AEBP2: variants seen among roughly 807,000 people sequenced by gnomAD.
The protein encoded by AEBP2 is zinc finger protein AEBP2.
In AEBP2, 10 loss-of-function variants were observed where a neutral mutation model predicts 50.8. The ratio of observed to expected loss-of-function variants is 0.20; its 90% CI spans 0.12 to 0.33. AEBP2 has a LOEUF of 0.33. Among genes scored for constraint, AEBP2 ranks in the 10% least tolerant of loss-of-function variants. The pLI is 1.00. For missense variants in AEBP2, 570 were observed against 688.0 expected, an observed-to-expected ratio of 0.83 and a Z score of 1.92; for synonymous variants, 296 against 261.3, an observed-to-expected ratio of 1.13 and a Z score of -1.28.
At chr12:19,466,265 G>A (rs1399484109) in intron 2 of AEBP2, among the ~76,000 whole-genome samples, 2 of 152,072 alleles carry the variant, frequency 1.3e-5, no homozygotes, top group Non-Finnish European at 2.9e-5. Context: ...GGAGTTTTGA[G>A]TCCAGCCTGG....
At chr12:19,495,917 T>C (rs890481667) in intron 4 of AEBP2, among the ~76,000 whole-genome samples, 4 of 152,178 alleles carry the variant, frequency 2.6e-5, no homozygotes, top group Non-Finnish European at 4.4e-5. Flanking sequence ...CATTTTCATT[T>C]TGACATCCTT....
chr12:19,454,782 G>A (rs1419627191), intron 1 of AEBP2, among the ~76,000 whole-genome samples: 1 of 152,044 alleles, frequency 6.6e-6, no homozygotes, highest in Non-Finnish European at 1.5e-5. Context: ...GGGTGGAGGG[G>A]GGAGAACGAC....
At chr12:19,470,101 C>T (rs1378306706) in intron 2 of AEBP2, among the ~76,000 whole-genome samples, 3 of 151,908 alleles carry the variant, frequency 2.0e-5, no homozygotes, top group Non-Finnish European at 2.9e-5. Flanking sequence ...CGTCCTAATA[C>T]AGGCTAAGAA....
Position 19,439,722 on chromosome 12 carries a change from T to A in AEBP2, c.23T>A (p.Met8Lys), listed in dbSNP as rs1455641183. 4 of 1,513,080 alleles carry A rather than the reference T, an allele frequency of 2.6e-6. No homozygotes were observed. Among genetic ancestry groups the A allele is most frequent in the South Asian group, 2.4e-5 (2 of 83,144 alleles). 93.7% of individuals were successfully genotyped at this position (1,513,080 alleles called of 1,614,324 possible). MAAAITD[M>K]ADLEELSRLS... ...GCCATGGCCGCCGCTATCACCGACA[T>A]GGCCGACCTGGAGGAGCTCTCCCGC... Residue 8 changes from methionine (M) to lysine (K), a missense_variant, in exon 1 of 8, where the codon ATG becomes AAG. Physicochemically the swap from Met to Lys is moderately conservative, Grantham distance 95 (BLOSUM62 -1). Coordinates refer to ENST00000266508, the MANE Select transcript of AEBP2 (RefSeq NM_153207.5).
intron 2 of AEBP2, among the ~76,000 whole-genome samples, chr12:19,464,842 G>C (rs1184805431): frequency 6.6e-6 from 1 of 151,746 alleles, no homozygotes; most frequent in Non-Finnish European, 1.5e-5. Context: ...CACCCGCCTC[G>C]GCCTCCCAAA....
intron 2 of AEBP2, among the ~76,000 whole-genome samples, chr12:19,470,161 T>C (rs1274135889): frequency 1.4e-5 from 2 of 143,300 alleles, no homozygotes; most frequent in African/African-American, 5.8e-5. Flanking sequence ...ATCTTTCTTT[T>C]TTCTTTTTTT....
At position 19,457,324 on chromosome 12, in the gene AEBP2, G is replaced by A. The variant is rs537460795; in HGVS notation, c.672-5186G>A. ...AGCACAGTCAGCCTGAGATGTCCCT[G>A]TAATCATGTTTTTGATGAAGTCTCT... On this transcript the variant is annotated intron_variant, in intron 1 of 7. Coordinates refer to ENST00000266508, the MANE Select transcript of AEBP2 (RefSeq NM_153207.5). 6.8e-4 allele frequency: 1,030 copies of A among 1,505,852 alleles called. 8 individuals carry two copies. The African/African-American group carries it at 0.013, about 19-fold the overall frequency. 93.3% of individuals were successfully genotyped at this position (1,505,852 alleles called of 1,614,324 possible).
At position 19,505,991 on chromosome 12, in the gene AEBP2, A is replaced by G. The variant is rs556506020; in HGVS notation, c.1299+5770A>G. Among the ~76,000 whole-genome samples, 4 of 151,460 alleles carry G rather than the reference A, an allele frequency of 2.6e-5. 1 individual carries two copies. The highest frequency in any genetic ancestry group is 9.7e-5 in the African/African-American group (4 of 41,250). ...TTTCTTGTAGAGATGACATCTTGCTATGTTGCCCAGGCTGATCTCAAACTC... is the reference window on the plus strand; with the variant it reads ...TTTCTTGTAGAGATGACATCTTGCTGTGTTGCCCAGGCTGATCTCAAACTC... On this transcript the variant is annotated intron_variant, in intron 5 of 7. Transcript: ENST00000266508.
At chr12:19,450,916 G>A (rs1948157212) in intron 1 of AEBP2, among the ~76,000 whole-genome samples, 1 of 151,190 alleles carries the variant, frequency 6.6e-6, no homozygotes, top group Non-Finnish European at 1.5e-5. Flanking sequence ...TATACTATAG[G>A]CTGTATTTCA....
chr12:19,486,217 T>G (rs1385544861), intron 3 of AEBP2, among the ~76,000 whole-genome samples: 1 of 152,146 alleles, frequency 6.6e-6, no homozygotes, highest in African/African-American at 2.4e-5. Flanking sequence ...GAACTCTTAG[T>G]TGTGTGAACT....
intron 1 of AEBP2, among the ~76,000 whole-genome samples, chr12:19,440,935 TGTG>T (rs1381694968): frequency 1.3e-5 from 2 of 152,234 alleles, no homozygotes; most frequent in African/African-American, 4.8e-5. Context: ...TAGTCAGTCA[TGTG>T]GTCTCCAACG....
intron 3 of AEBP2, among the ~76,000 whole-genome samples, chr12:19,479,868 C>T (rs911061392): frequency 2.7e-5 from 4 of 150,882 alleles, no homozygotes; most frequent in African/African-American, 9.8e-5. Flanking sequence ...TATTTGAGTC[C>T]TTATGTGTTA....
At chr12:19,421,873 G>A (rs907777897) in intron 1 of AEBP2, among the ~76,000 whole-genome samples, 11 of 152,178 alleles carry the variant, frequency 7.2e-5, no homozygotes, top group Admixed American at 2.0e-4. Context: ...ATCAAGGATA[G>A]GTGTGGTGGC....
chr12:19,420,714 C>G (rs1386831020), intron 1 of AEBP2, among the ~76,000 whole-genome samples: 1 of 152,130 alleles, frequency 6.6e-6, no homozygotes, highest in Non-Finnish European at 1.5e-5. Context: ...AATTTACGTT[C>G]CATGTCCACT....
Position 19,439,720 on chromosome 12 carries a change from C to A in AEBP2, c.21C>A (p.Asp7Glu). Residue 7 changes from aspartate (D) to glutamate (E), a missense_variant, in exon 1 of 8, where the codon GAC (aspartate) becomes GAA (glutamate). Transcript: ENST00000266508. The stretch of plus-strand genomic sequence containing the variant: ...CCGCCATGGCCGCCGCTATCACCGA[C>A]ATGGCCGACCTGGAGGAGCTCTCCC... MAAAIT[D>E]MADLEELSRL... is the part of the protein sequence containing the mutation. The A allele has an allele frequency of 6.6e-7, 1 of 1,516,906 alleles. No individual in the cohort carries two copies. The highest frequency in any genetic ancestry group is 1.2e-5 in the South Asian group (1 of 83,334). The allele number at this position is 1,516,906 out of a possible 1,614,324, so 94.0% of individuals were successfully genotyped here.
intron 1 of AEBP2, among the ~76,000 whole-genome samples, chr12:19,404,619 A>G (rs2095735118): frequency 6.6e-6 from 1 of 152,190 alleles, no homozygotes; most frequent in Non-Finnish European, 1.5e-5. Context: ...ATATTGGAAA[A>G]ACAAGGTTTC....
rs112883013 is a variant in AEBP2, at chr12:19,415,431, G to C, written c.-17+11215G>C. Among the ~76,000 whole-genome samples, 357 of 140,398 alleles carry C rather than the reference G, an allele frequency of 2.5e-3. 1 individual carries two copies. The highest frequency in any genetic ancestry group is 9.2e-3 in the African/African-American group (343 of 37,322). The allele number at this position is 140,398 out of a possible 152,430, so 92.1% of individuals were successfully genotyped here. A position where few individuals can be genotyped will look rare whatever the true frequency, so the allele number is the denominator to read the frequency against. On this transcript the variant is annotated intron_variant, in intron 1 of 3. Coordinates refer to the AEBP2 transcript ENST00000538425. ...GGTGGTGATTTTCTAGCATTCAGAGGCCACTTTTGCAAATACTTCTGTTAC... is the reference window on the plus strand; with the variant it reads ...GGTGGTGATTTTCTAGCATTCAGAGCCCACTTTTGCAAATACTTCTGTTAC...
chr12:19,439,231 C>G (rs1947893828), upstream of AEBP2, among the ~76,000 whole-genome samples: 1 of 152,232 alleles, frequency 6.6e-6, no homozygotes. Context: ...TCAAACACCC[C>G]CGGAATGAAT....
chr12:19,454,561 A>G (rs565939165), intron 1 of AEBP2, among the ~76,000 whole-genome samples: 1 of 152,250 alleles, frequency 6.6e-6, no homozygotes, highest in African/African-American at 2.4e-5. Context: ...TGATGTATTC[A>G]TAGAAAATTC....
Sources: gnomAD v4.1 joint callset for allele counts (sites outside exome capture counted in the v4.1 genomes callset) on GRCh38, gnomAD v4.1.1 for gene constraint, MANE v1.5 for transcripts, NCBI Gene and HGNC (gene_info 2026-07-23, HGNC 2026-07-21) for gene names.